IDH1: variants seen among roughly 807,000 people sequenced by gnomAD.
The protein encoded by IDH1 is isocitrate dehydrogenase (NADP(+)) 1.
Under a neutral mutation model 46.1 loss-of-function variants are expected in IDH1, and 33 were observed. That is an observed-to-expected ratio of 0.72 (90% CI 0.54 to 0.96). The LOEUF (loss-of-function observed/expected upper bound fraction) is 0.96. IDH1 is among the 40% of genes least tolerant of loss of function. The probability of loss-of-function intolerance (pLI) is 0.00; values close to 1 mark genes in which losing one functional copy is unlikely to be tolerated. For missense variants in IDH1, 421 were observed against 515.7 expected (o/e 0.82, Z 1.78); for synonymous variants, 144 against 172.8 (o/e 0.83, Z 1.31).
chr2:208,241,960 C>T (rs2124851591), intron 7 of IDH1, 34 bp downstream of exon 7: 1 of 1,607,864 alleles, frequency 6.2e-7, no homozygotes, highest in Non-Finnish European at 8.5e-7. Flanking sequence ...CCTGGAATGA[C>T]CCTGTTCCTA....
At chr2:208,248,802 C>A in intron 3 of IDH1, 142 bp from the exon 4 acceptor site, 1 of 730,486 alleles carries the variant, frequency 1.4e-6, no homozygotes, top group Non-Finnish European at 2.4e-6. Flanking sequence ...TTAGCACTGG[C>A]ACACCCTAAA....
Position 208,248,497 on chromosome 2 carries a change from TTGG to T in IDH1, c.283_285del (p.Pro95del). Reference sequence around the variant, plus strand: ...CCCAGAATATTTCGTATGGTGCCATTTGGTGATTTCCACATTTGTTTCAACTTG... The same window carrying T: ...CCCAGAATATTTCGTATGGTGCCATTTGATTTCCACATTTGTTTCAACTTG... On this transcript the variant is annotated inframe_deletion, in exon 4 of 10. Transcript: ENST00000345146. 1 of 1,614,170 alleles carries T rather than the reference TTGG, an allele frequency of 6.2e-7. No individual in the cohort carries two copies. The highest frequency in any genetic ancestry group is 8.5e-7 in the Non-Finnish European group (1 of 1,180,036).
intron 2 of IDH1, among the ~76,000 whole-genome samples, chr2:208,252,384 T>C (rs1488668009): frequency 1.3e-5 from 2 of 152,186 alleles, no homozygotes; most frequent in African/African-American, 2.4e-5. Flanking sequence ...AAACTGTGCA[T>C]TGTCCTAGGA....
At position 208,243,539 on chromosome 2, in the gene IDH1, A is replaced by T; in HGVS notation, c.586T>A (p.Ser196Thr). 1.2e-6 allele frequency: 2 copies of T among 1,613,678 alleles called. No individual in the cohort carries two copies. The highest frequency in any genetic ancestry group is 1.7e-6 in the Non-Finnish European group (2 of 1,179,550). ...DKSIEDFAHSSFQMALSKGWP... is the reference protein window; with the variant it reads ...DKSIEDFAHSTFQMALSKGWP... ...CCCTTAGACAGAGCCATTTGGAAGG[A>T]ACTGTGTGCAAAATCTTCAATTGAC... The change falls in exon 6 of 10, where the codon TCC becomes ACC. Residue 196 changes from serine (S) to threonine (T), a missense_variant. By Grantham distance (58) the Ser-to-Thr change is moderately conservative. Coordinates refer to ENST00000345146, the MANE Select transcript of IDH1 (RefSeq NM_005896.4).
intron 3 of IDH1, 102 bp downstream of exon 3, chr2:208,251,328 C>G (rs567931337): frequency 8.0e-7 from 1 of 1,246,836 alleles, no homozygotes; most frequent in African/African-American, 1.5e-5. Context: ...GAGGGATCCT[C>G]CTGCCTCTGC....
At chr2:208,244,867 A>C (rs1237315453) in intron 5 of IDH1, among the ~76,000 whole-genome samples, 2 of 152,236 alleles carry the variant, frequency 1.3e-5, no homozygotes, top group Non-Finnish European at 2.9e-5. Flanking sequence ...CAAATGTTCT[A>C]CTTTTTCACA....
At chr2:208,241,889 A>G (rs919231238) in intron 7 of IDH1, 105 bp downstream of exon 7, 4 of 1,189,106 alleles carry the variant, frequency 3.4e-6, no homozygotes, top group Non-Finnish European at 5.0e-6. Context: ...CTGGAGGTTT[A>G]ACATTCCAAG....
At chr2:208,246,543 C>A (rs1287260726) in intron 4 of IDH1, among the ~76,000 whole-genome samples, 2 of 150,838 alleles carry the variant, frequency 1.3e-5, no homozygotes, top group Non-Finnish European at 2.9e-5. Flanking sequence ...TATATTTAAA[C>A]AGTCCATGAA....
intron 5 of IDH1, among the ~76,000 whole-genome samples, chr2:208,245,045 T>C (rs1225059709): frequency 6.6e-6 from 1 of 152,228 alleles, no homozygotes; most frequent in Admixed American, 6.5e-5. Context: ...CTGCCAACCT[T>C]CTCTCTGTGC....
intron 5 of IDH1, 30 bp downstream of exon 5, chr2:208,245,289 A>C (rs756057424): frequency 2.0e-5 from 22 of 1,101,332 alleles, no homozygotes; most frequent in Non-Finnish European, 3.0e-5. Context: ...GTTTAAAAAA[A>C]AAAGAAGCTT....
rs121913500 is a variant in IDH1 at position 208,248,388 on chromosome 2, C to T, written c.395G>A (p.Arg132His). The change falls in exon 4 of 10, where the codon CGT becomes CAT. Residue 132 changes from arginine (R) to histidine (H), a missense_variant. Coordinates refer to ENST00000345146, the MANE Select transcript of IDH1 (RefSeq NM_005896.4). ...SGWVKPIIIG[R>H]HAYGDQYRAT... ...ACTTACTTGATCCCCATAAGCATGA[C>T]GACCTATGATGATAGGTTTTACCCA... 9.9e-6 allele frequency: 16 copies of T among 1,613,530 alleles called. No homozygotes were observed. The highest frequency in any genetic ancestry group is 2.2e-5 in the East Asian group (1 of 44,886).
At chr2:208,238,890 A>C (rs1314399133) in intron 9 of IDH1, among the ~76,000 whole-genome samples, 181 bp downstream of exon 9, 2 of 152,236 alleles carry the variant, frequency 1.3e-5, no homozygotes, top group Non-Finnish European at 2.9e-5. Context: ...GTGTAGTTGC[A>C]AAAAGACTAT....
intron 5 of IDH1, among the ~76,000 whole-genome samples, chr2:208,243,821 G>A (rs1559360613): frequency 6.6e-6 from 1 of 152,154 alleles, no homozygotes. Context: ...AACTTGTTTT[G>A]GAAGGACAGC....
Position 208,245,346 on chromosome 2 carries a change from C to T in IDH1, c.493G>A (p.Val165Met), listed in dbSNP as rs1197355900. 7 of 1,607,208 alleles carry T rather than the reference C, an allele frequency of 4.4e-6. No homozygotes were observed. The highest frequency in any genetic ancestry group is 1.1e-5 in the South Asian group (1 of 90,878). Residue 165 changes from valine to methionine, a missense_variant, in exon 5 of 10, where the codon GTG (valine) becomes ATG (methionine). Transcript: ENST00000345146. ...TCAAAGTTATGTACCAGGTATGTCACCTTTTGGGTTCCGTCACTTGGTGTG... is the reference window on the plus strand; with the variant it reads ...TCAAAGTTATGTACCAGGTATGTCATCTTTTGGGTTCCGTCACTTGGTGTG... The part of the protein sequence containing the change: ...TYTPSDGTQK[V>M]TYLVHNFEEG...
At chr2:208,251,794 C>T (rs1688130339) in intron 2 of IDH1, among the ~76,000 whole-genome samples, 1 of 152,084 alleles carries the variant, frequency 6.6e-6, no homozygotes, top group Non-Finnish European at 1.5e-5. Context: ...CACGCGGTTT[C>T]TGAGCTAGCC....
rs2124847105 is a variant in IDH1 at position 208,239,080 on chromosome 2, C to T, written c.1145G>A (p.Gly382Asp). 6 of 1,613,824 alleles carry T rather than the reference C, an allele frequency of 3.7e-6. No individual in the cohort carries two copies. Among genetic ancestry groups the T allele is most frequent in the Non-Finnish European group, 5.1e-6 (6 of 1,179,784 alleles). Residue 382 changes from glycine to aspartate, a missense_variant, in exon 9 of 10, where the codon GGT becomes GAT. Physicochemically the swap from Gly to Asp is moderately conservative, Grantham distance 94 (BLOSUM62 -1). Coordinates refer to ENST00000345146, the MANE Select transcript of IDH1 (RefSeq NM_005896.4). ...GGCATCTTATACTTACTTGGGTAAA[C>T]CTTTAATGCAAGCAGCCAAGTCCTT... ...MTKDLAACIK[G>D]LPNVQRSDYL... is the part of the protein sequence containing the mutation.
rs565194894 is a variant in IDH1 at position 208,239,344 on chromosome 2, C to A, written c.992-111G>T. Reference sequence around the variant, plus strand: ...AGTTTTTTGTTTAGGTGACAGACTTCTTTAGATACTAACCACATGGGCTAG... The same window carrying A: ...AGTTTTTTGTTTAGGTGACAGACTTATTTAGATACTAACCACATGGGCTAG... On this transcript the variant is annotated intron_variant, in intron 8 of 9. Transcript: ENST00000345146. 4.9e-6 allele frequency: 5 copies of A among 1,028,752 alleles called. No homozygotes were observed. The East Asian group carries it at 1.0e-4, about 21-fold the overall frequency. The allele number at this position is 1,028,752 out of a possible 1,614,324, so 63.7% of individuals were successfully genotyped here. A position where few individuals can be genotyped will look rare whatever the true frequency, so the allele number is the denominator to read the frequency against.
intron 8 of IDH1, 70 bp downstream of exon 8, chr2:208,239,793 C>A (rs928004142): frequency 6.6e-7 from 1 of 1,506,668 alleles, no homozygotes; most frequent in African/African-American, 1.4e-5. Flanking sequence ...CACTGAGCAG[C>A]CAAGGGAACA....
intron 3 of IDH1, among the ~76,000 whole-genome samples, chr2:208,249,711 A>C (rs1374619921): frequency 6.6e-6 from 1 of 152,174 alleles, no homozygotes; most frequent in African/African-American, 2.4e-5. Context: ...CTCCTACCCA[A>C]CTCATGATGC....
Sources: allele counts gnomAD v4.1 joint callset (sites outside exome capture counted in the v4.1 genomes callset), GRCh38; gene constraint gnomAD v4.1.1; transcripts MANE v1.5; gene names NCBI Gene and HGNC (gene_info 2026-07-23, HGNC 2026-07-21).